The following AFG2A variants were observed in gnomAD, a reference collection of about 807,000 sequenced individuals.
AFG2A encodes the protein AAA ATPase AFG2A.
At chr4:123,251,704 C>A in the AFG2A span, among the ~76,000 whole-genome samples, 1 of 151,808 alleles carries the variant, frequency 6.6e-6, no homozygotes, top group Non-Finnish European at 1.5e-5. Flanking sequence ...ATCTTTATTT[C>A]CTAAGTCCTG....
the AFG2A span, among the ~76,000 whole-genome samples, chr4:123,191,425 A>G: frequency 6.6e-6 from 1 of 151,052 alleles, no homozygotes; most frequent in East Asian, 1.9e-4. Context: ...CTACCATGCT[A>G]TAAGCTTAGG....
At chr4:123,165,281 T>G in the AFG2A span, among the ~76,000 whole-genome samples, 1 of 152,308 alleles carries the variant, frequency 6.6e-6, no homozygotes, top group Admixed American at 6.5e-5. Flanking sequence ...GTGAAAATGT[T>G]CTAATACTAC....
At chr4:123,125,583 G>T in the AFG2A span, among the ~76,000 whole-genome samples, 1 of 152,172 alleles carries the variant, frequency 6.6e-6, no homozygotes, top group South Asian at 2.1e-4. Flanking sequence ...AAAATTTAAT[G>T]GTTTCCTTTC....
the AFG2A span, among the ~76,000 whole-genome samples, chr4:123,237,750 A>G: frequency 6.6e-6 from 1 of 150,494 alleles, no homozygotes; most frequent in East Asian, 2.0e-4. Context: ...TGCAGCTCCC[A>G]GCATGATCGA....
chr4:122,951,456 A>ACACACG, the AFG2A span, among the ~76,000 whole-genome samples: 79 of 151,156 alleles, frequency 5.2e-4, 1 homozygote, highest in Admixed American at 1.5e-3. Context: ...ACACACACAC[A>ACACACG]CACGCACGCA....
At chr4:122,985,756 T>C in the AFG2A span, among the ~76,000 whole-genome samples, 3 of 151,882 alleles carry the variant, frequency 2.0e-5, no homozygotes, top group Non-Finnish European at 4.4e-5. Flanking sequence ...TTGTATTTTT[T>C]TTTTTCAATT....
At chr4:123,268,481 G>A in the AFG2A span, among the ~76,000 whole-genome samples, 1 of 152,108 alleles carries the variant, frequency 6.6e-6, no homozygotes. Flanking sequence ...TCCAAGATTT[G>A]AACATTAAAT....
chr4:123,257,862 C>T, the AFG2A span, among the ~76,000 whole-genome samples: 1 of 152,052 alleles, frequency 6.6e-6, no homozygotes, highest in African/African-American at 2.4e-5. Context: ...GTAGTAACAT[C>T]GAAGTGCAAA....
chr4:123,205,677 G>A, the AFG2A span, among the ~76,000 whole-genome samples: 1 of 152,040 alleles, frequency 6.6e-6, no homozygotes, highest in South Asian at 2.1e-4. Flanking sequence ...GTATCCTGGT[G>A]GGGGTTAGGG....
the AFG2A span, among the ~76,000 whole-genome samples, chr4:123,244,828 G>A: frequency 6.6e-6 from 1 of 152,022 alleles, no homozygotes; most frequent in Non-Finnish European, 1.5e-5. Flanking sequence ...ATACCTAGTA[G>A]GTGTCTGTAG....
the AFG2A span, among the ~76,000 whole-genome samples, chr4:123,126,880 A>G: frequency 9.2e-5 from 14 of 152,196 alleles, no homozygotes; most frequent in Admixed American, 7.9e-4. Context: ...TATTTTTGAT[A>G]GCCGTCAGAT....
the AFG2A span, among the ~76,000 whole-genome samples, chr4:122,952,343 A>T: frequency 4.0e-5 from 6 of 151,818 alleles, no homozygotes; most frequent in Non-Finnish European, 7.4e-5. Flanking sequence ...TTTCACTGTG[A>T]CTTCAGCTGG....
the AFG2A span, among the ~76,000 whole-genome samples, chr4:123,265,271 G>A: frequency 6.6e-6 from 1 of 151,986 alleles, no homozygotes; most frequent in Non-Finnish European, 1.5e-5. Flanking sequence ...GGGATACTTG[G>A]ATAAAAAGCG....
chr4:123,050,441 C>T, the AFG2A span, among the ~76,000 whole-genome samples: 1 of 152,142 alleles, frequency 6.6e-6, no homozygotes, highest in African/African-American at 2.4e-5. Flanking sequence ...CAGTCTGTCT[C>T]TCTCGAGAGC....
the AFG2A span, among the ~76,000 whole-genome samples, chr4:123,198,909 G>A: frequency 6.6e-6 from 1 of 152,180 alleles, no homozygotes; most frequent in Non-Finnish European, 1.5e-5. Context: ...CTTGAATTCT[G>A]GAGCTTCTTG....
chr4:123,305,528 G>A, the AFG2A span, among the ~76,000 whole-genome samples: 5 of 152,176 alleles, frequency 3.3e-5, no homozygotes, highest in Non-Finnish European at 5.9e-5. Flanking sequence ...ATCTGTCAAC[G>A]CACCAGAAAA....
the AFG2A span, among the ~76,000 whole-genome samples, chr4:123,170,554 T>C: frequency 2.6e-3 from 390 of 152,298 alleles, 1 homozygote; most frequent in Non-Finnish European, 4.5e-3. Context: ...AATGTGCTAT[T>C]ACCTGAGTTT....
At chr4:123,206,070 T>C in the AFG2A span, among the ~76,000 whole-genome samples, 1 of 152,098 alleles carries the variant, frequency 6.6e-6, no homozygotes, top group East Asian at 1.9e-4. Context: ...TAAACAGTGG[T>C]TTCCTGATGA....
the AFG2A span, among the ~76,000 whole-genome samples, chr4:123,175,958 TAGG>T: frequency 6.6e-6 from 1 of 152,068 alleles, no homozygotes; most frequent in South Asian, 2.1e-4. Context: ...AAGAGGATGT[TAGG>T]AGGGAATTAT....
Sources: gnomAD v4.1 joint callset for allele counts (sites outside exome capture counted in the v4.1 genomes callset) on GRCh38, gnomAD v4.1.1 for gene constraint, MANE v1.5 for transcripts, NCBI Gene and HGNC (gene_info 2026-07-23, HGNC 2026-07-21) for gene names.